Variants in PAN3 observed in about 807,000 individuals in gnomAD.
PAN3 encodes the protein PAN2-PAN3 deadenylation complex subunit PAN3.
A neutral mutation model predicts 96.2 loss-of-function variants in PAN3; 19 were observed. The ratio of observed to expected loss-of-function variants is 0.20; its 90% confidence interval spans 0.14 to 0.29. The LOEUF is 0.29. Among genes scored for constraint, PAN3 ranks in the 10% least tolerant of loss-of-function variants. The probability of loss-of-function intolerance (pLI) is 1.00; values close to 1 mark genes in which losing one functional copy is unlikely to be tolerated. For synonymous variants in PAN3, 433 were observed against 406.6 expected (o/e 1.06, Z -0.78); for missense variants, 882 against 1,108.1 (o/e 0.80, Z 2.90).
At chr13:28,283,924 G>A (rs1868621676) in intron 17 of PAN3, among the ~76,000 whole-genome samples, 1 of 152,184 alleles carries the variant, frequency 6.6e-6, no homozygotes, top group African/African-American at 2.4e-5. Flanking sequence ...CTATGGATGT[G>A]TTATAGTTTA....
In PAN3 at chr13:28,292,672, C is replaced by A. The variant is rs370113588; in HGVS notation, c.*150C>A. On this transcript the variant is annotated 3_prime_UTR_variant, in exon 19 of 19. Transcript: ENST00000380958. ...TGCACTTCAGTCAGGTACACTGTTA[C>A]TTGAAAGGAAGAATGTTTCACTTAC... 1.6e-6 allele frequency: 1 copy of A among 610,640 alleles called. No individual in the cohort carries two copies. The highest frequency in any genetic ancestry group is 2.5e-6 in the Non-Finnish European group (1 of 399,494). 37.8% of individuals were successfully genotyped at this position (610,640 alleles called of 1,614,324 possible).
At chr13:28,190,833 T>C (rs1200048001) in intron 4 of PAN3, among the ~76,000 whole-genome samples, 1 of 152,150 alleles carries the variant, frequency 6.6e-6, no homozygotes, top group Non-Finnish European at 1.5e-5. Flanking sequence ...TTAATATAAT[T>C]TGAGATGAGA....
At chr13:28,209,707 T>C (rs1486949905) in intron 5 of PAN3, among the ~76,000 whole-genome samples, 2 of 152,114 alleles carry the variant, frequency 1.3e-5, no homozygotes, top group Non-Finnish European at 2.9e-5. Context: ...AGGGCATGCT[T>C]ATTCTTTGCT....
chr13:28,139,206 G>T (rs914676676), intron 1 of PAN3, 119 bp downstream of exon 1: 16 of 1,150,282 alleles, frequency 1.4e-5, no homozygotes, highest in Non-Finnish European at 1.3e-5. Flanking sequence ...ACCTCCCAAG[G>T]CGGTCTGAGA....
chr13:28,159,335 A>G (rs1443057093), intron 1 of PAN3, among the ~76,000 whole-genome samples: 1 of 152,234 alleles, frequency 6.6e-6, no homozygotes, highest in African/African-American at 2.4e-5. Flanking sequence ...ATTATCCTAG[A>G]TGAACTAACG....
At chr13:28,189,815 C>A (rs376499165) in intron 4 of PAN3, among the ~76,000 whole-genome samples, 2 of 152,168 alleles carry the variant, frequency 1.3e-5, no homozygotes, top group African/African-American at 4.8e-5. Flanking sequence ...GAATCATAAT[C>A]TTTTATTTTA....
chr13:28,138,922 G>A lies in PAN3; in HGVS notation c.265G>A (p.Ala89Thr), dbSNP rs1593334253. The A allele has an allele frequency of 1.5e-6, 2 of 1,364,736 alleles. No individual in the cohort carries two copies. The highest frequency in any genetic ancestry group is 1.9e-6 in the Non-Finnish European group (2 of 1,061,306). 84.5% of individuals were successfully genotyped at this position (1,364,736 alleles called of 1,614,324 possible). Residue 89 changes from alanine to threonine, a missense_variant, in exon 1 of 19, where the codon GCT becomes ACT. Transcript: ENST00000380958. ...LGLHSNSVPL[A>T]LAGAPVAGFP... Reference sequence around the variant, plus strand: ...CCTCCATAGCAACAGCGTCCCCCTGGCTCTGGCTGGTGCACCCGTGGCCGG... The same window carrying A: ...CCTCCATAGCAACAGCGTCCCCCTGACTCTGGCTGGTGCACCCGTGGCCGG...
At chr13:28,243,379 T>C (rs956423434) in intron 6 of PAN3, among the ~76,000 whole-genome samples, 6 of 152,230 alleles carry the variant, frequency 3.9e-5, no homozygotes, top group African/African-American at 1.4e-4. Context: ...GTGACTTTTA[T>C]GGGCCAAAAA....
At chr13:28,148,558 A>G (rs915342275) in intron 1 of PAN3, among the ~76,000 whole-genome samples, 2 of 152,226 alleles carry the variant, frequency 1.3e-5, no homozygotes, top group East Asian at 3.8e-4. Context: ...AAATAGTGCA[A>G]AAGAGTACAT....
Position 28,255,366 on chromosome 13 carries a change from G to A in PAN3, c.1001-926G>A, listed in dbSNP as rs528510192. Among the ~76,000 whole-genome samples, 4 of 152,164 alleles carry A rather than the reference G, an allele frequency of 2.6e-5. No individual in the cohort carries two copies. In the East Asian group the frequency reaches 7.7e-4, roughly 29 times the overall value. ...TAATTTGCATTTCATCAGCATTTATGCATGTAGTTTGTAGTGTATTAGTTT... is the reference window on the plus strand; with the variant it reads ...TAATTTGCATTTCATCAGCATTTATACATGTAGTTTGTAGTGTATTAGTTT... On this transcript the variant is annotated intron_variant, in intron 6 of 18. Coordinates refer to ENST00000380958, the MANE Select transcript of PAN3 (RefSeq NM_175854.8).
chr13:28,239,075 T>C (rs1883364361), intron 6 of PAN3, among the ~76,000 whole-genome samples: 1 of 151,896 alleles, frequency 6.6e-6, no homozygotes, highest in Non-Finnish European at 1.5e-5. Context: ...TCATTATGTA[T>C]GGCGTTAAGC....
At chr13:28,172,320 G>T (rs916287554) in intron 1 of PAN3, among the ~76,000 whole-genome samples, 2 of 152,106 alleles carry the variant, frequency 1.3e-5, no homozygotes, top group African/African-American at 4.8e-5. Context: ...GCCGGGCGTA[G>T]TGGTGGGCGC....
chr13:28,192,969 G>A (rs747081006), intron 4 of PAN3, among the ~76,000 whole-genome samples: 1 of 152,086 alleles, frequency 6.6e-6, no homozygotes, highest in African/African-American at 2.4e-5. Context: ...ACCTTAAATA[G>A]TATTGATACC....
chr13:28,157,988 A>C (rs1423541419), intron 1 of PAN3, among the ~76,000 whole-genome samples: 1 of 152,230 alleles, frequency 6.6e-6, no homozygotes, highest in African/African-American at 2.4e-5. Flanking sequence ...TGGTACAGGT[A>C]CAAAAACAGT....
chr13:28,170,796 A>C (rs1874209412), intron 1 of PAN3, among the ~76,000 whole-genome samples: 1 of 151,868 alleles, frequency 6.6e-6, no homozygotes, highest in African/African-American at 2.4e-5. Flanking sequence ...GTCTTTATTT[A>C]TTTTTTCATT....
chr13:28,229,949 T>G (rs2138430711), intron 6 of PAN3, among the ~76,000 whole-genome samples: 1 of 152,294 alleles, frequency 6.6e-6, no homozygotes, highest in African/African-American at 2.4e-5. Flanking sequence ...ACTGCTCGAT[T>G]TAGAACTTTT....
chr13:28,254,919 C>G (rs1885019916), intron 6 of PAN3, among the ~76,000 whole-genome samples: 1 of 152,010 alleles, frequency 6.6e-6, no homozygotes, highest in African/African-American at 2.4e-5. Context: ...CCTGATTTAC[C>G]TCACCTACCT....
intron 1 of PAN3, among the ~76,000 whole-genome samples, chr13:28,171,269 C>G (rs934252538): frequency 2.3e-5 from 3 of 132,096 alleles, no homozygotes; most frequent in Non-Finnish European, 4.5e-5. Flanking sequence ...AAAACTTGCT[C>G]CTGTTTTCTA....
At chr13:28,288,854 G>A (rs1049671388) in intron 18 of PAN3, among the ~76,000 whole-genome samples, 3 of 19,072 alleles carry the variant, frequency 1.6e-4, no homozygotes, top group African/African-American at 3.6e-4. Flanking sequence ...TTTTTGAGAC[G>A]GAGTCTCTGT....
Sources: gnomAD v4.1 joint callset for allele counts (sites outside exome capture counted in the v4.1 genomes callset) on GRCh38, gnomAD v4.1.1 for gene constraint, MANE v1.5 for transcripts, NCBI Gene and HGNC (gene_info 2026-07-23, HGNC 2026-07-21) for gene names.